EDARADD: variants seen among roughly 807,000 people sequenced by gnomAD.
EDARADD encodes EDAR associated via death domain, also known as ectodysplasin-A receptor-associated adapter protein.
Under a neutral mutation model 25.6 loss-of-function variants are expected in EDARADD, and 20 were observed. That is an observed-to-expected ratio of 0.78 (90% confidence interval 0.55 to 1.14). EDARADD has a LOEUF of 1.14. Among genes scored for constraint, EDARADD ranks in the 50% most tolerant of loss-of-function variants. The pLI is 0.00. For synonymous variants in EDARADD, 86 were observed against 94.4 expected (o/e 0.91, Z 0.52); for missense variants, 225 against 270.1 (o/e 0.83, Z 1.17).
intron 3 of EDARADD, among the ~76,000 whole-genome samples, chr1:236,382,411 A>G (rs1667311956): frequency 6.6e-6 from 1 of 152,178 alleles, no homozygotes; most frequent in Non-Finnish European, 1.5e-5. Context: ...AAAAGTTTTA[A>G]TGTCCTTCTT....
chr1:236,450,122 G>A (rs1658671023), intron 4 of EDARADD, among the ~76,000 whole-genome samples: 1 of 151,702 alleles, frequency 6.6e-6, no homozygotes, highest in South Asian at 2.1e-4. Context: ...AAAAGTAATA[G>A]GCTTATTAAA....
intron 4 of EDARADD, among the ~76,000 whole-genome samples, chr1:236,444,744 A>G (rs984618781): frequency 2.6e-5 from 4 of 152,112 alleles, no homozygotes; most frequent in African/African-American, 9.7e-5. Context: ...TGTTGATTCT[A>G]TCACCATGGT....
intron 4 of EDARADD, among the ~76,000 whole-genome samples, chr1:236,442,264 T>G (rs868722258): frequency 5.9e-5 from 9 of 152,156 alleles, no homozygotes; most frequent in Middle Eastern, 6.3e-3. Flanking sequence ...TAGCTGTGAT[T>G]ACAGGCATGC....
intron 5 of EDARADD, among the ~76,000 whole-genome samples, chr1:236,469,787 C>T (rs1659310408): frequency 6.6e-6 from 1 of 151,770 alleles, no homozygotes; most frequent in African/African-American, 2.4e-5. Context: ...ATTTTTTTTT[C>T]ATTCCATAGA....
At chr1:236,444,603 G>T (rs1658482636) in intron 4 of EDARADD, among the ~76,000 whole-genome samples, 1 of 152,118 alleles carries the variant, frequency 6.6e-6, no homozygotes, top group African/African-American at 2.4e-5. Context: ...TGTATTTTTA[G>T]TAGAGACGGG....
chr1:236,367,163 G>A (rs1330177616), intron 3 of EDARADD, among the ~76,000 whole-genome samples: 1 of 150,254 alleles, frequency 6.7e-6, no homozygotes, highest in African/African-American at 2.5e-5. Flanking sequence ...GTTGTTTCAG[G>A]CTAGGCAATA....
chr1:236,426,253 C>T (rs1657916368), intron 3 of EDARADD, among the ~76,000 whole-genome samples: 3 of 152,218 alleles, frequency 2.0e-5, no homozygotes, highest in Admixed American at 2.0e-4. Context: ...GCTGTCATTA[C>T]AGGCGTGAGC....
At chr1:236,423,511 G>A (rs1401414681) in intron 3 of EDARADD, among the ~76,000 whole-genome samples, 1 of 152,102 alleles carries the variant, frequency 6.6e-6, no homozygotes, top group African/African-American at 2.4e-5. Context: ...TCCATGTAAT[G>A]TCATCACACT....
At chr1:236,377,621 A>G (rs920408352) in intron 3 of EDARADD, among the ~76,000 whole-genome samples, 5 of 151,178 alleles carry the variant, frequency 3.3e-5, no homozygotes, top group Non-Finnish European at 5.9e-5. Flanking sequence ...GCACTTTGGG[A>G]GGCCGAGGTG....
Position 236,362,064 on chromosome 1 carries a change from G to A in EDARADD, c.-6+11225G>A, listed in dbSNP as rs528223269. On this transcript the variant is annotated intron_variant, in intron 3 of 7. Transcript: ENST00000439430. Reference sequence around the variant, plus strand: ...GTCCCAGTTGCTCCAATATTTACCCGCAATTGGTATTGTCATCTGTTTCTT... The same window carrying A: ...GTCCCAGTTGCTCCAATATTTACCCACAATTGGTATTGTCATCTGTTTCTT... Among the ~76,000 whole-genome samples, 26 of 151,978 alleles carry A rather than the reference G, an allele frequency of 1.7e-4. No homozygotes were observed. In the South Asian group the frequency reaches 4.2e-3, roughly 24 times the overall value.
intron 3 of EDARADD, among the ~76,000 whole-genome samples, chr1:236,366,384 T>C (rs1228449863): frequency 6.6e-6 from 1 of 152,212 alleles, no homozygotes; most frequent in African/African-American, 2.4e-5. Flanking sequence ...CTGTGAATTA[T>C]GAGTTTTTCC....
chr1:236,349,857 T>A (rs1005843722), intron 2 of EDARADD, among the ~76,000 whole-genome samples: 29 of 152,122 alleles, frequency 1.9e-4, no homozygotes, highest in Non-Finnish European at 1.6e-4. Context: ...CACGCCTGTA[T>A]TCCCAGCATT....
chr1:236,481,040 C>G (rs1202107574), intron 5 of EDARADD, among the ~76,000 whole-genome samples: 1 of 151,662 alleles, frequency 6.6e-6, no homozygotes, highest in Non-Finnish European at 1.5e-5. Flanking sequence ...CAGGTAAAGG[C>G]AGAGGGCTCA....
intron 4 of EDARADD, among the ~76,000 whole-genome samples, chr1:236,438,113 T>C (rs898181257): frequency 5.0e-5 from 3 of 59,604 alleles, no homozygotes; most frequent in African/African-American, 1.4e-4. Flanking sequence ...CACATAGTTT[T>C]CCCTCTTTGT....
Position 236,483,549 on chromosome 1 carries a change from C to A in EDARADD, c.*900C>A, listed in dbSNP as rs1659744231. 5 of 1,179,380 alleles carry A rather than the reference C, an allele frequency of 4.2e-6. No individual in the cohort carries two copies. The highest frequency in any genetic ancestry group is 6.4e-6 in the Non-Finnish European group (5 of 786,252). The allele number at this position is 1,179,380 out of a possible 1,614,324, so 73.1% of individuals were successfully genotyped here. ...AGCTAGTGCTGTTGAGAAGGGGGTT[C>A]CCCTGTACCACCACATCGCCGACTT... On this transcript the variant is annotated 3_prime_UTR_variant, in exon 6 of 6. Coordinates refer to ENST00000334232, the MANE Select transcript of EDARADD (RefSeq NM_145861.4).
At chr1:236,456,746 G>C (rs1421997789) in intron 4 of EDARADD, among the ~76,000 whole-genome samples, 1 of 120,190 alleles carries the variant, frequency 8.3e-6, no homozygotes, top group Non-Finnish European at 1.6e-5. Context: ...CTCTGCACCT[G>C]TGTTTCGCTG....
At chr1:236,384,514 C>T (rs1667331848) in intron 3 of EDARADD, among the ~76,000 whole-genome samples, 2 of 152,122 alleles carry the variant, frequency 1.3e-5, no homozygotes, top group Non-Finnish European at 2.9e-5. Context: ...CCTCAGCCTC[C>T]CAATTAGCCT....
chr1:236,443,266 C>T (rs1224740380), intron 4 of EDARADD, among the ~76,000 whole-genome samples: 1 of 152,180 alleles, frequency 6.6e-6, no homozygotes, highest in Non-Finnish European at 1.5e-5. Flanking sequence ...TGGACTAATA[C>T]AGCACCCCAT....
At chr1:236,359,305 T>A (rs373278114) in intron 3 of EDARADD, among the ~76,000 whole-genome samples, 3 of 152,242 alleles carry the variant, frequency 2.0e-5, no homozygotes, top group Admixed American at 6.5e-5. Flanking sequence ...ATCTTAGGAA[T>A]TGGAATGTTT....
Sources: gnomAD v4.1 joint callset for allele counts (sites outside exome capture counted in the v4.1 genomes callset) on GRCh38, gnomAD v4.1.1 for gene constraint, MANE v1.5 for transcripts, NCBI Gene and HGNC (gene_info 2026-07-23, HGNC 2026-07-21) for gene names.